Variants in NLGN1 observed in about 807,000 individuals in gnomAD.
NLGN1 encodes the protein neuroligin-1.
In NLGN1, 12 loss-of-function variants were observed where a neutral mutation model predicts 65.5. The ratio of observed to expected loss-of-function variants is 0.18; its 90% CI spans 0.12 to 0.30. The LOEUF is 0.30. Ranked by LOEUF, NLGN1 falls within the 10% of genes least tolerant of loss-of-function variation. The pLI, the probability that NLGN1 is intolerant of heterozygous loss-of-function variation, is 1.00. For synonymous variants in NLGN1, 350 were observed against 359.5 expected (o/e 0.97, Z 0.30); for missense variants, 750 against 1,007.1 (o/e 0.74, Z 3.46).
At chr3:173,815,806 A>G (rs890581002) in intron 4 of NLGN1, among the ~76,000 whole-genome samples, 1 of 152,116 alleles carries the variant, frequency 6.6e-6, no homozygotes, top group African/African-American at 2.4e-5. Flanking sequence ...CCAGCCTTTC[A>G]TATACTTCTG....
At chr3:174,031,012 G>T (rs528381179) in intron 4 of NLGN1, among the ~76,000 whole-genome samples, 1 of 152,214 alleles carries the variant, frequency 6.6e-6, no homozygotes, top group South Asian at 2.1e-4. Context: ...AGAAGGTGAA[G>T]AAATTTAAGG....
intron 4 of NLGN1, among the ~76,000 whole-genome samples, chr3:173,986,338 G>A (rs1453625228): frequency 6.6e-6 from 1 of 151,744 alleles, no homozygotes; most frequent in East Asian, 2.0e-4. Context: ...ATGGTGGTGC[G>A]TGCCTGTAAT....
At chr3:173,845,606 G>GGATA (rs10546469) in intron 4 of NLGN1, among the ~76,000 whole-genome samples, 55,273 of 146,808 alleles carry the variant, frequency 0.38, 10,435 homozygotes, top group East Asian at 0.42. Context: ...GTAGGTGGAT[G>GGATA]GATAGATAGA....
At chr3:174,262,088 G>C (rs1002781249) in intron 4 of NLGN1, among the ~76,000 whole-genome samples, 12 of 121,690 alleles carry the variant, frequency 9.9e-5, no homozygotes, top group Non-Finnish European at 6.6e-5. Flanking sequence ...CGTTTTGCCA[G>C]TATTTTATTG....
chr3:174,011,949 A>G (rs913791494), intron 4 of NLGN1, among the ~76,000 whole-genome samples: 19 of 152,328 alleles, frequency 1.2e-4, no homozygotes, highest in Non-Finnish European at 1.6e-4. Flanking sequence ...TCAGCCTATA[A>G]CAACAAAATG....
chr3:173,893,447 C>T (rs1456718674), intron 4 of NLGN1, among the ~76,000 whole-genome samples: 2 of 152,042 alleles, frequency 1.3e-5, no homozygotes, highest in Admixed American at 6.6e-5. Flanking sequence ...CACTATTGTA[C>T]GGGCCATATG....
intron 3 of NLGN1, among the ~76,000 whole-genome samples, chr3:173,635,883 A>AT (rs927774575): frequency 1.2e-4 from 18 of 151,522 alleles, no homozygotes; most frequent in East Asian, 1.9e-4. Flanking sequence ...TTTCTATTGA[A>AT]TTTTTTTTTA....
exon 3 of NLGN1, chr3:173,604,354 C>G (rs1371590143): frequency 6.0e-6 from 3 of 500,288 alleles, no homozygotes; most frequent in Middle Eastern, 1.1e-3. Flanking sequence ...TGCCACACTG[C>G]TAATATGGAA....
chr3:173,681,935 A>G (rs1470632716), intron 3 of NLGN1, among the ~76,000 whole-genome samples: 2 of 152,202 alleles, frequency 1.3e-5, no homozygotes, highest in Non-Finnish European at 2.9e-5. Context: ...ACTTAAACAT[A>G]ATATTTTTAA....
chr3:173,999,463 T>A (rs1023072639), intron 4 of NLGN1, among the ~76,000 whole-genome samples: 10 of 152,186 alleles, frequency 6.6e-5, no homozygotes, highest in Admixed American at 6.6e-5. Context: ...TCTAAATATA[T>A]GTTGTAAAAA....
intron 4 of NLGN1, among the ~76,000 whole-genome samples, chr3:174,154,413 G>A (rs188952656): frequency 1.4e-4 from 22 of 152,022 alleles, no homozygotes; most frequent in African/African-American, 3.6e-4. Context: ...AAATTGTTCC[G>A]TAGGTGACAC....
intron 4 of NLGN1, among the ~76,000 whole-genome samples, chr3:174,202,373 G>C (rs1734652405): frequency 6.6e-6 from 1 of 151,910 alleles, no homozygotes; most frequent in Non-Finnish European, 1.5e-5. Context: ...GGCACACAAT[G>C]GCCTTTCTGT....
At chr3:174,259,366 C>CCTCTCTCTCTTG (rs1432771474) in intron 4 of NLGN1, among the ~76,000 whole-genome samples, 5 of 151,918 alleles carry the variant, frequency 3.3e-5, no homozygotes, top group Non-Finnish European at 7.4e-5. Context: ...TCACACATCA[C>CCTCTCTCTCTTG]CTCTCTCTCT....
chr3:174,053,112 G>C (rs554025548), intron 4 of NLGN1, among the ~76,000 whole-genome samples: 1 of 151,962 alleles, frequency 6.6e-6, no homozygotes, highest in Non-Finnish European at 1.5e-5. Context: ...TAGGGGGATA[G>C]TGTTGTGTTG....
rs953126107 is a variant in NLGN1, at chr3:173,915,206, C to T, written c.646+107374C>T. ...CCTGCCAGTTTTTAAATGCATTCTT[C>T]TGGTCTCAAGGGGTATTTTGTAAGA... On this transcript the variant is annotated intron_variant, in intron 4 of 6. Coordinates refer to ENST00000457714, the Ensembl canonical transcript of NLGN1. Among the ~76,000 whole-genome samples the T allele has an allele frequency of 2.4e-4, 37 of 152,122 alleles. 1 individual carries two copies. The highest frequency in any genetic ancestry group is 1.9e-4 in the East Asian group (1 of 5,176).
At chr3:174,107,830 C>A (rs1267918070) in intron 4 of NLGN1, among the ~76,000 whole-genome samples, 3 of 152,074 alleles carry the variant, frequency 2.0e-5, no homozygotes, top group East Asian at 3.9e-4. Context: ...TTAGCCATTT[C>A]AATGGGAATA....
At chr3:173,716,946 G>A (rs571564288) in intron 3 of NLGN1, among the ~76,000 whole-genome samples, 1 of 152,142 alleles carries the variant, frequency 6.6e-6, no homozygotes, top group Non-Finnish European at 1.5e-5. Context: ...ATTAATCAAT[G>A]AAACTATAGC....
intron 3 of NLGN1, among the ~76,000 whole-genome samples, chr3:173,606,528 C>T (rs1751435342): frequency 1.3e-5 from 2 of 152,044 alleles, no homozygotes; most frequent in African/African-American, 2.4e-5. Context: ...TTCTATCTCT[C>T]TATGCACTTC....
intron 4 of NLGN1, among the ~76,000 whole-genome samples, chr3:173,864,654 A>C (rs1215607916): frequency 2.0e-5 from 3 of 152,184 alleles, no homozygotes; most frequent in African/African-American, 7.2e-5. Flanking sequence ...TGCCATGAAA[A>C]GTTTGATTAA....
Sources: gnomAD v4.1 joint callset for allele counts (sites outside exome capture counted in the v4.1 genomes callset) on GRCh38, gnomAD v4.1.1 for gene constraint, MANE v1.5 for transcripts, NCBI Gene and HGNC (gene_info 2026-07-23, HGNC 2026-07-21) for gene names.